The following FAM13C variants were observed in gnomAD, a reference collection of about 807,000 sequenced individuals.
FAM13C encodes the protein protein FAM13C.
FAM13C carries 37 observed loss-of-function variants against 73.2 expected under a neutral mutation model. The ratio of observed to expected loss-of-function variants is 0.51; its 90% CI spans 0.39 to 0.67. The LOEUF (loss-of-function observed/expected upper bound fraction) is 0.67, where lower values mean the gene tolerates loss of function less well. FAM13C is among the 30% of genes least tolerant of loss of function. The pLI is 0.00. For synonymous variants in FAM13C, 246 were observed against 260.9 expected (o/e 0.94, Z 0.55); for missense variants, 589 against 715.6 (o/e 0.82, Z 2.02).
intron 3 of FAM13C, among the ~76,000 whole-genome samples, chr10:59,349,901 A>G (rs1186603836): frequency 3.9e-5 from 6 of 152,236 alleles, no homozygotes; most frequent in African/African-American, 1.2e-4. Flanking sequence ...TCTGTAATTC[A>G]CAACAATTTA....
intron 8 of FAM13C, among the ~76,000 whole-genome samples, chr10:59,268,346 C>G (rs1843318483): frequency 6.6e-6 from 1 of 152,026 alleles, no homozygotes; most frequent in Non-Finnish European, 1.5e-5. Context: ...TAATCCATTA[C>G]TAGAAAATAT....
In FAM13C at chr10:59,355,751, A is replaced by G. The variant is rs575867139; in HGVS notation, c.119+136T>C. ...AAGACAAAAATTTTGTCAAGAGGTA[A>G]AAATCTAGTAGAAGAGATGAGACAT... is the stretch of plus-strand genomic sequence containing the variant. On this transcript the variant is annotated intron_variant, in intron 2 of 13. Transcript: ENST00000618804. The G allele has an allele frequency of 5.0e-5, 46 of 916,716 alleles. 1 individual carries two copies. In the African/African-American group the frequency reaches 7.6e-4, roughly 15 times the overall value. The allele number at this position is 916,716 out of a possible 1,614,324, so 56.8% of individuals were successfully genotyped here.
At chr10:59,299,958 A>G (rs1033458437) in intron 5 of FAM13C, among the ~76,000 whole-genome samples, 1 of 152,178 alleles carries the variant, frequency 6.6e-6, no homozygotes, top group African/African-American at 2.4e-5. Context: ...AAAGTCAAAA[A>G]CTGGGAGCTC....
intron 3 of FAM13C, among the ~76,000 whole-genome samples, chr10:59,339,904 T>C (rs932281624): frequency 2.1e-4 from 32 of 152,204 alleles, no homozygotes; most frequent in African/African-American, 7.7e-4. Flanking sequence ...ATTTTATGTG[T>C]GTGTGTGTTG....
chr10:59,321,431 C>CTTTTTTT lies in FAM13C; in HGVS notation c.443+2556_443+2557insAAAAAAA, dbSNP rs1850255076. ...AGAAAGGAATGGAGCCCTGCCAACA[C>CTTTTTTT]CTTTTTTTTTTTTTTTTTTTTTTTT... is the stretch of plus-strand genomic sequence containing the variant. On this transcript the variant is annotated intron_variant, in intron 4 of 13. Transcript: ENST00000618804. Among the ~76,000 whole-genome samples the CTTTTTTT allele has an allele frequency of 5.5e-5, 6 of 109,856 alleles. 1 individual carries two copies. Among genetic ancestry groups the CTTTTTTT allele is most frequent in the Non-Finnish European group, 3.7e-5 (2 of 53,744 alleles). The allele number at this position is 109,856 out of a possible 152,430, so 72.1% of individuals were successfully genotyped here.
At chr10:59,253,024 G>C in intron 11 of FAM13C, 26 bp from the exon 12 acceptor site, 9 of 1,610,904 alleles carry the variant, frequency 5.6e-6, no homozygotes, top group Non-Finnish European at 7.6e-6. Flanking sequence ...GTTAAAGAAA[G>C]AAAGTCATGT....
intron 4 of FAM13C, among the ~76,000 whole-genome samples, chr10:59,319,121 T>TCACACA (rs1171535640): frequency 4.4e-4 from 55 of 123,904 alleles, no homozygotes; most frequent in African/African-American, 1.8e-3. Context: ...ACACACACAT[T>TCACACA]GTCTATCTCA....
At chr10:59,292,967 C>T (rs1329383589) in intron 5 of FAM13C, among the ~76,000 whole-genome samples, 1 of 151,848 alleles carries the variant, frequency 6.6e-6, no homozygotes, top group Non-Finnish European at 1.5e-5. Context: ...ATTTTATATC[C>T]TTTAACCAAT....
intron 3 of FAM13C, among the ~76,000 whole-genome samples, chr10:59,324,685 A>G (rs1850850654): frequency 6.6e-6 from 1 of 152,174 alleles, no homozygotes; most frequent in African/African-American, 2.4e-5. Context: ...AGTTCATCTA[A>G]AAACTAAAGA....
At chr10:59,286,068 G>A (rs1456256132) in intron 5 of FAM13C, among the ~76,000 whole-genome samples, 1 of 152,192 alleles carries the variant, frequency 6.6e-6, no homozygotes. Flanking sequence ...ACATACAATG[G>A]AACATTGTTC....
intron 5 of FAM13C, among the ~76,000 whole-genome samples, chr10:59,290,299 G>T (rs533912621): frequency 6.6e-6 from 1 of 152,248 alleles, no homozygotes; most frequent in East Asian, 1.9e-4. Context: ...CTTACATTTA[G>T]TTCGTATGAA....
intron 6 of FAM13C, among the ~76,000 whole-genome samples, chr10:59,270,643 T>A (rs13377143): frequency 0.23 from 35,102 of 152,084 alleles, 5,443 homozygotes; most frequent in African/African-American, 0.44. Flanking sequence ...TCTGCTTATC[T>A]ACAAGGAATG....
At position 59,353,238 on chromosome 10, in the gene FAM13C, A is replaced by G. The variant is rs796097333; in HGVS notation, c.120-764T>C. 5.3e-5 allele frequency among the ~76,000 whole-genome samples: 8 copies of G among 152,224 alleles called. 1 individual carries two copies. In the South Asian group the frequency reaches 1.7e-3, roughly 32 times the overall value. On this transcript the variant is annotated intron_variant, in intron 2 of 13. Coordinates refer to ENST00000618804, the MANE Select transcript of FAM13C (RefSeq NM_198215.4). Reference sequence around the variant, plus strand: ...CTGTACAATATCCCTACCCCCCTCCAGTTACAATTTTCTCAAAAATACTGA... The same window carrying G: ...CTGTACAATATCCCTACCCCCCTCCGGTTACAATTTTCTCAAAAATACTGA...
At position 59,362,396 on chromosome 10, in the gene FAM13C, T is replaced by C; in HGVS notation, c.62+3A>G. 6.2e-7 allele frequency: 1 copy of C among 1,613,872 alleles called. No individual in the cohort carries two copies. The highest frequency in any genetic ancestry group is 8.5e-7 in the Non-Finnish European group (1 of 1,179,920). On this transcript the variant is annotated splice_donor_region_variant and intron_variant, in intron 1 of 13. Transcript: ENST00000618804. ...TCTAATTTTAATGGTAAGAATCACT[T>C]ACTCTGTTACAGTGGTGCTGCTGAA...
Position 59,246,865 on chromosome 10 carries a change from C to T in FAM13C, c.*749G>A. 2.7e-6 allele frequency: 1 copy of T among 374,150 alleles called. No individual in the cohort carries two copies. The highest frequency in any genetic ancestry group is 3.8e-5 in the East Asian group (1 of 26,024). The allele number at this position is 374,150 out of a possible 1,614,324, so 23.2% of individuals were successfully genotyped here. Reference sequence around the variant, plus strand: ...TAGATTATATACTACAGACACATATCTATCCAAAATACCTATTTTAAATTT... The same window carrying T: ...TAGATTATATACTACAGACACATATTTATCCAAAATACCTATTTTAAATTT... On this transcript the variant is annotated 3_prime_UTR_variant, in exon 14 of 14. Coordinates refer to ENST00000618804, the MANE Select transcript of FAM13C (RefSeq NM_198215.4).
chr10:59,291,146 C>T (rs1168681220), intron 5 of FAM13C, among the ~76,000 whole-genome samples: 1 of 152,148 alleles, frequency 6.6e-6, no homozygotes, highest in Non-Finnish European at 1.5e-5. Flanking sequence ...AGCCCCAGCC[C>T]TCTGACTCCC....
At chr10:59,288,094 C>T (rs1564529104) in intron 5 of FAM13C, among the ~76,000 whole-genome samples, 2 of 152,212 alleles carry the variant, frequency 1.3e-5, no homozygotes, top group African/African-American at 4.8e-5. Flanking sequence ...CCAGACAACA[C>T]AAATAGGTTT....
At chr10:59,333,545 T>C (rs1290944007) in intron 3 of FAM13C, among the ~76,000 whole-genome samples, 1 of 152,132 alleles carries the variant, frequency 6.6e-6, no homozygotes, top group African/African-American at 2.4e-5. Context: ...AAGCCAGCAC[T>C]ACCTTCCTGG....
downstream of FAM13C, chr10:59,246,129 T>G (rs938398706): frequency 3.9e-5 from 6 of 152,726 alleles, no homozygotes; most frequent in African/African-American, 1.4e-4. Context: ...TTCAACATAA[T>G]AAATATAATA....
Sources: allele counts gnomAD v4.1 joint callset (sites outside exome capture counted in the v4.1 genomes callset), GRCh38; gene constraint gnomAD v4.1.1; transcripts MANE v1.5; gene names NCBI Gene and HGNC (gene_info 2026-07-23, HGNC 2026-07-21).